C4orf50: variants seen among roughly 807,000 people sequenced by gnomAD.
C4orf50 encodes chromosome 4 open reading frame 50, also known as uncharacterized protein C4orf50.
C4orf50 carries 80 observed loss-of-function variants against 77.2 expected under a neutral mutation model. The ratio of observed to expected loss-of-function variants is 1.04; its 90% CI spans 0.87 to 1.25. The LOEUF (loss-of-function observed/expected upper bound fraction) is 1.25. C4orf50 is among the 50% of genes most tolerant of loss of function. The pLI is 0.00. For synonymous variants in C4orf50, 532 were observed against 465.3 expected, an observed-to-expected ratio of 1.14 and a Z score of -1.84; for missense variants, 1,257 against 1,152.9, an observed-to-expected ratio of 1.09 and a Z score of -1.31.
chr4:5,983,872 G>A (rs1720728906), intron 28 of C4orf50, among the ~76,000 whole-genome samples: 1 of 152,246 alleles, frequency 6.6e-6, no homozygotes, highest in South Asian at 2.1e-4. Context: ...TACTGTCCTA[G>A]AAATGCCCCT....
chr4:5,997,367 T>A (rs1052553818), intron 25 of C4orf50, among the ~76,000 whole-genome samples: 4 of 152,178 alleles, frequency 2.6e-5, no homozygotes, highest in African/African-American at 9.7e-5. Context: ...GGAAGTGACA[T>A]CCAGCGGACA....
In C4orf50 at chr4:5,973,854, G is replaced by C; in HGVS notation, c.3922-13C>G. The stretch of plus-strand genomic sequence containing the variant: ...AAGCTATCTTGGCCTGAAAGGGAGG[G>C]AGGCCATGGATGCAGAGCTCCCACC... On this transcript the variant is annotated splice_polypyrimidine_tract_variant and intron_variant, in intron 30 of 33. Coordinates refer to ENST00000531445, the Ensembl canonical transcript of C4orf50. 1 of 1,598,820 alleles carries C rather than the reference G, an allele frequency of 6.3e-7. No homozygotes were observed. The highest frequency in any genetic ancestry group is 8.5e-7 in the Non-Finnish European group (1 of 1,170,680).
At chr4:5,985,223 CA>C (rs1197478753) in intron 28 of C4orf50, among the ~76,000 whole-genome samples, 3 of 151,850 alleles carry the variant, frequency 2.0e-5, no homozygotes, top group Non-Finnish European at 2.9e-5. Context: ...ATTATCACTA[CA>C]AAAAATCCCA....
rs1438884507 is a variant in C4orf50, at chr4:5,970,354, C to T, written c.4105-2892G>A. Among the ~76,000 whole-genome samples the T allele has an allele frequency of 3.3e-5, 5 of 152,164 alleles. No individual in the cohort carries two copies. Among genetic ancestry groups the T allele is most frequent in the Non-Finnish European group, 7.3e-5 (5 of 68,034 alleles). On this transcript the variant is annotated intron_variant, in intron 31 of 33. Transcript: ENST00000531445. This position sits in a 1 kb window ranked among gnomAD's most constrained non-coding sequence, Gnocchi z 4.3. ...CTAACATCAGGGAGGCGGCAAGACCCGTGTTCCCAGCAGAAGGAAAAGTGA... is the reference window on the plus strand; with the variant it reads ...CTAACATCAGGGAGGCGGCAAGACCTGTGTTCCCAGCAGAAGGAAAAGTGA...
At chr4:5,925,763 G>T (rs76951995) in intron 7 of C4orf50, among the ~76,000 whole-genome samples, 49 of 152,376 alleles carry the variant, frequency 3.2e-4, no homozygotes, top group Admixed American at 1.0e-3. Flanking sequence ...CAGGGTTTGG[G>T]AGCGAGGACC....
chr4:5,951,805 C>G (rs576124356), intron 7 of C4orf50, among the ~76,000 whole-genome samples: 9 of 152,232 alleles, frequency 5.9e-5, no homozygotes, highest in African/African-American at 1.9e-4. Flanking sequence ...TCTTGCTAAT[C>G]CAGACCTCTT....
chr4:5,971,605 C>T (rs1384570022), intron 31 of C4orf50, among the ~76,000 whole-genome samples: 2 of 152,176 alleles, frequency 1.3e-5, no homozygotes, highest in African/African-American at 4.8e-5. Context: ...ATTAAAATAA[C>T]TTTCCCTGCT....
intron 7 of C4orf50, among the ~76,000 whole-genome samples, chr4:5,928,377 CAT>C (rs1214543511): frequency 5.4e-5 from 8 of 148,788 alleles, no homozygotes; most frequent in East Asian, 2.0e-4. Flanking sequence ...CACACACACA[CAT>C]ACACACACAC....
chr4:5,910,767 C>A (rs913894017), intron 7 of C4orf50, among the ~76,000 whole-genome samples: 3 of 152,108 alleles, frequency 2.0e-5, no homozygotes, highest in African/African-American at 7.2e-5. Flanking sequence ...AAGATAAAGT[C>A]CCTGCCCTCA....
intron 23 of C4orf50, among the ~76,000 whole-genome samples, chr4:6,013,733 A>G (rs1415873393): frequency 6.6e-6 from 1 of 152,138 alleles, no homozygotes; most frequent in Non-Finnish European, 1.5e-5. Context: ...TGGAGGCGGG[A>G]CCAGGAACCC....
intron 28 of C4orf50, among the ~76,000 whole-genome samples, chr4:5,983,578 T>C (rs949143341): frequency 1.3e-5 from 2 of 152,192 alleles, no homozygotes; most frequent in Non-Finnish European, 2.9e-5. Context: ...CTATAGAATC[T>C]GGGGAGAATA....
In C4orf50 at chr4:6,009,763, C is replaced by T. The variant is rs951822925; in HGVS notation, c.427-1231G>A. ...CTCGCTCAAGCACTCCTGCAAAACT[C>T]GCTTCAAAATACAGATGTTTGCAGC... On this transcript the variant is annotated intron_variant, in intron 24 of 33. Coordinates refer to ENST00000531445, the Ensembl canonical transcript of C4orf50. This position sits in a 1 kb window ranked among gnomAD's most constrained non-coding sequence, Gnocchi z 5.6. 4.6e-5 allele frequency among the ~76,000 whole-genome samples: 7 copies of T among 152,188 alleles called. No individual in the cohort carries two copies. Among genetic ancestry groups the T allele is most frequent in the Admixed American group, 2.0e-4 (3 of 15,280 alleles).
chr4:5,967,178 A>G (rs1177756305), intron 32 of C4orf50, among the ~76,000 whole-genome samples: 1 of 152,214 alleles, frequency 6.6e-6, no homozygotes, highest in Non-Finnish European at 1.5e-5. Context: ...AGTTTCCAGG[A>G]GTGAAACTCT....
At position 5,989,141 on chromosome 4, in the gene C4orf50, CCTCT is replaced by C. The variant is rs143859826; in HGVS notation, c.2901_2904del (p.Glu968Ter). The C allele has an allele frequency of 8.8e-5, 123 of 1,402,000 alleles. No homozygotes were observed. Among genetic ancestry groups the C allele is most frequent in the African/African-American group, 3.9e-4 (27 of 69,828 alleles). 86.8% of individuals were successfully genotyped at this position (1,402,000 alleles called of 1,614,324 possible). Reference sequence around the variant, plus strand: ...CGCTCGAGCCTGGATATTTTTGTCACCTCTCTCTCTCTCTCTCTTTCAAGGGCGC... The same window carrying C: ...CGCTCGAGCCTGGATATTTTTGTCACCTCTCTCTCTCTCTTTCAAGGGCGC... On this transcript the variant is annotated frameshift_variant, in exon 28 of 34. Transcript: ENST00000531445. LOFTEE classifies it high-confidence loss of function.
rs904294830 is a variant in C4orf50 at position 5,908,906 on chromosome 4, G to A, written c.*2475-10718C>T. On this transcript the variant is annotated intron_variant, in intron 7 of 7. Coordinates refer to the C4orf50 transcript ENST00000324058. The surrounding 1 kb of genome is among the most constrained non-coding windows in gnomAD (Gnocchi z 5.6). The stretch of plus-strand genomic sequence containing the variant: ...AAAATGCCTGGAAAGTACAGAATGG[G>A]GGTTACCTGCTCTGTCATTCACTCC... Among the ~76,000 whole-genome samples the A allele has an allele frequency of 6.6e-6, 1 of 152,046 alleles. No homozygotes were observed. Among genetic ancestry groups the A allele is most frequent in the Non-Finnish European group, 1.5e-5 (1 of 67,992 alleles).
chr4:5,957,440 G>A (rs184053424), exon 34 of C4orf50: 8 of 152,342 alleles, frequency 5.3e-5, no homozygotes, highest in South Asian at 4.1e-4. Flanking sequence ...GGCAGAAGGC[G>A]GATCACCAAA....
downstream of C4orf50, among the ~76,000 whole-genome samples, chr4:5,952,832 C>T (rs569856834): frequency 4.6e-5 from 7 of 152,316 alleles, no homozygotes; most frequent in East Asian, 9.7e-4. The surrounding 1 kb of genome is among the most constrained non-coding windows in gnomAD (Gnocchi z 4.4). Context: ...CCGACACTCC[C>T]GCCTCCAAGA....
At chr4:5,925,444 T>C (rs1717474241) in intron 7 of C4orf50, among the ~76,000 whole-genome samples, 1 of 152,152 alleles carries the variant, frequency 6.6e-6, no homozygotes, top group East Asian at 1.9e-4. Flanking sequence ...AAAGATAAAC[T>C]TGAGGCAAGG....
exon 34 of C4orf50, chr4:5,957,946 A>G (rs1031677874): frequency 5.3e-5 from 8 of 152,232 alleles, no homozygotes. Context: ...TGTAATTTTC[A>G]TTTCAAACAA....
Sources: gnomAD v4.1 joint callset for allele counts (sites outside exome capture counted in the v4.1 genomes callset) on GRCh38, gnomAD v4.1.1 for gene constraint, Gnocchi (gnomAD v3.1) non-coding constraint, MANE v1.5 for transcripts, NCBI Gene and HGNC (gene_info 2026-07-23, HGNC 2026-07-21) for gene names.